DHX40: variants seen among roughly 807,000 people sequenced by gnomAD.
DHX40 encodes DEAH-box helicase 40.
Under a neutral mutation model 89.6 loss-of-function variants are expected in DHX40, and 28 were observed. The observed-to-expected ratio is 0.31, with a 90% CI of 0.23 to 0.43. The LOEUF is 0.43. Among genes scored for constraint, DHX40 ranks in the 20% least tolerant of loss-of-function variants. The pLI is 1.00. For synonymous variants in DHX40, 226 were observed against 283.6 expected (o/e 0.80, Z 2.04); for missense variants, 457 against 844.0 (o/e 0.54, Z 5.68).
intron 10 of DHX40, among the ~76,000 whole-genome samples, chr17:59,581,094 A>G (rs1453521001): frequency 4.0e-5 from 6 of 150,464 alleles, no homozygotes; most frequent in Admixed American, 2.0e-4. Flanking sequence ...AAAAAACAAA[A>G]CAAAACAAAA....
chr17:59,570,255 AATAT>A lies in DHX40; in HGVS notation c.281-257_281-254del, dbSNP rs1187851386. Among the ~76,000 whole-genome samples, 7 of 119,696 alleles carry A rather than the reference AATAT, an allele frequency of 5.8e-5. No homozygotes were observed. The East Asian group carries it at 6.7e-4, about 11-fold the overall frequency. 78.5% of individuals were successfully genotyped at this position (119,696 alleles called of 152,430 possible). A position where few individuals can be genotyped will look rare whatever the true frequency, so the allele number is the denominator to read the frequency against. On this transcript the variant is annotated intron_variant, in intron 2 of 17. Coordinates refer to ENST00000251241, the MANE Select transcript of DHX40 (RefSeq NM_024612.5). ...TAGTATATAATATATATAATATATA[AATAT>A]ATATAATATAAACTGGATTTATATT...
intron 7 of DHX40, among the ~76,000 whole-genome samples, chr17:59,576,064 A>ATT (rs763211799): frequency 0.028 from 3,082 of 111,616 alleles, 117 homozygotes; most frequent in African/African-American, 0.093. Flanking sequence ...TAAGTTTTGT[A>ATT]TTTTTTTTTT....
intron 17 of DHX40, chr17:59,605,928 G>A: frequency 1.9e-6 from 1 of 514,670 alleles, no homozygotes; most frequent in Non-Finnish European, 3.5e-6. Flanking sequence ...TTTCACCAGT[G>A]CACTCCAGCC....
At chr17:59,568,837 CATAT>C (rs34821349) in intron 2 of DHX40, among the ~76,000 whole-genome samples, 2 of 147,066 alleles carry the variant, frequency 1.4e-5, no homozygotes, top group Admixed American at 6.8e-5. Flanking sequence ...ATGGAAGGTG[CATAT>C]ATATATATAT....
chr17:59,588,645 ATTG>A (rs1460471375), intron 12 of DHX40, among the ~76,000 whole-genome samples: 2 of 151,896 alleles, frequency 1.3e-5, no homozygotes, highest in Non-Finnish European at 2.9e-5. Flanking sequence ...TTGTTTTCTT[ATTG>A]TTAAGAGGTC....
At chr17:59,600,811 T>A (rs966093443) in intron 14 of DHX40, among the ~76,000 whole-genome samples, 1 of 151,598 alleles carries the variant, frequency 6.6e-6, no homozygotes, top group African/African-American at 2.4e-5. Context: ...GCCACTACAC[T>A]CTAGCCTGGG....
At chr17:59,574,945 C>G (rs1196852040) in intron 6 of DHX40, among the ~76,000 whole-genome samples, 1 of 152,212 alleles carries the variant, frequency 6.6e-6, no homozygotes, top group Non-Finnish European at 1.5e-5. Flanking sequence ...TTTCCTCTGC[C>G]TTGTACTAAT....
intron 10 of DHX40, among the ~76,000 whole-genome samples, chr17:59,581,866 G>A (rs1266150188): frequency 1.6e-5 from 2 of 123,118 alleles, no homozygotes; most frequent in African/African-American, 7.5e-5. Flanking sequence ...TGTTTTGATA[G>A]TTATCATTAG....
intron 14 of DHX40, among the ~76,000 whole-genome samples, chr17:59,600,325 C>G (rs971784265): frequency 2.6e-5 from 4 of 151,072 alleles, no homozygotes; most frequent in African/African-American, 7.3e-5. Context: ...TGTTTTAACA[C>G]TGATGAGAGA....
At position 59,590,003 on chromosome 17, in the gene DHX40, G is replaced by A. The variant is rs556266471; in HGVS notation, c.1582+1950G>A. Reference sequence around the variant, plus strand: ...TGGGATTGCAGGCATGAGCCACCACGCCCAGCCCGGCGTTAATTTCCTTTC... The same window carrying A: ...TGGGATTGCAGGCATGAGCCACCACACCCAGCCCGGCGTTAATTTCCTTTC... On this transcript the variant is annotated intron_variant, in intron 12 of 17. Coordinates refer to ENST00000251241, the MANE Select transcript of DHX40 (RefSeq NM_024612.5). Among the ~76,000 whole-genome samples, 85 of 151,726 alleles carry A rather than the reference G, an allele frequency of 5.6e-4. 1 individual carries two copies. Among genetic ancestry groups the A allele is most frequent in the African/African-American group, 1.8e-3 (73 of 41,194 alleles).
chr17:59,600,440 A>G (rs922980693), intron 14 of DHX40, among the ~76,000 whole-genome samples: 1 of 149,900 alleles, frequency 6.7e-6, no homozygotes, highest in African/African-American at 2.5e-5. Flanking sequence ...AGCATTTTAC[A>G]TAAATGGAAT....
intron 2 of DHX40, among the ~76,000 whole-genome samples, chr17:59,568,549 G>T (rs1024594346): frequency 6.6e-6 from 1 of 151,956 alleles, no homozygotes; most frequent in African/African-American, 2.4e-5. Context: ...ACATACTTTT[G>T]ATAAAGTTTA....
chr17:59,601,571 A>ATT (rs2030529374), intron 14 of DHX40, among the ~76,000 whole-genome samples: 1 of 152,062 alleles, frequency 6.6e-6, no homozygotes. Context: ...CTACTTTTTG[A>ATT]ACATATGTAA....
At chr17:59,604,415 G>A (rs991533389) in intron 15 of DHX40, 1 of 152,134 alleles carries the variant, frequency 6.6e-6, no homozygotes, top group African/African-American at 2.4e-5. Context: ...AGTAACATGA[G>A]TCCTTACATC....
rs555747917 is a variant in DHX40 at position 59,586,102 on chromosome 17, C to T, written c.1344-51C>T. 1.0e-5 allele frequency: 14 copies of T among 1,336,290 alleles called. No homozygotes were observed. In the South Asian group the frequency reaches 1.9e-4, roughly 18 times the overall value. 82.8% of individuals were successfully genotyped at this position (1,336,290 alleles called of 1,614,324 possible). ...ATTTTCGTCATGTCTATATAAAATC[C>T]TACCATGTTCAAGGAATGCCTCTCA... is the stretch of plus-strand genomic sequence containing the variant. On this transcript the variant is annotated intron_variant, in intron 10 of 17. Coordinates refer to ENST00000251241, the MANE Select transcript of DHX40 (RefSeq NM_024612.5).
intron 17 of DHX40, 114 bp downstream of exon 17, chr17:59,605,788 C>A: frequency 1.0e-6 from 1 of 984,370 alleles, no homozygotes; most frequent in Non-Finnish European, 1.6e-6. Flanking sequence ...GTGGTGAGAT[C>A]CCATCTCTAG....
chr17:59,588,134 A>C (rs1362708762), intron 12 of DHX40, 81 bp downstream of exon 12: 2 of 1,569,500 alleles, frequency 1.3e-6, no homozygotes, highest in Non-Finnish European at 1.7e-6. Context: ...TAATCCCATC[A>C]CTTTGGGAGG....
intron 9 of DHX40, 58 bp from the exon 10 acceptor site, chr17:59,579,638 AT>A (rs1474604442): frequency 3.3e-5 from 17 of 513,766 alleles, no homozygotes; most frequent in Non-Finnish European, 4.1e-5. Context: ...GACAAAGTAA[AT>A]TACCTGAGAA....
At chr17:59,587,228 T>G (rs1012807398) in intron 11 of DHX40, among the ~76,000 whole-genome samples, 17 of 152,138 alleles carry the variant, frequency 1.1e-4, no homozygotes, top group African/African-American at 4.1e-4. Context: ...CATCTTCTTT[T>G]TTTTTGTTTT....
Sources: allele counts gnomAD v4.1 joint callset (sites outside exome capture counted in the v4.1 genomes callset), GRCh38; gene constraint gnomAD v4.1.1; transcripts MANE v1.5; gene names NCBI Gene and HGNC (gene_info 2026-07-23, HGNC 2026-07-21).